Variants in CWC27 observed in about 807,000 individuals in gnomAD.
CWC27 encodes spliceosome-associated protein CWC27 homolog.
A neutral mutation model predicts 63.6 loss-of-function variants in CWC27; 47 were observed. That is an observed-to-expected ratio of 0.74 (90% confidence interval 0.58 to 0.94). CWC27 has a LOEUF of 0.94. CWC27 is among the 40% of genes least tolerant of loss of function. The probability of loss-of-function intolerance (pLI) is 0.00; values close to 1 mark genes in which losing one functional copy is unlikely to be tolerated. For missense variants in CWC27, 495 were observed against 554.3 expected, an observed-to-expected ratio of 0.89 and a Z score of 1.07; for synonymous variants, 175 against 179.8, an observed-to-expected ratio of 0.97 and a Z score of 0.22.
chr5:64,971,779 ACAGT>A lies in CWC27; in HGVS notation c.1122_1125del (p.Ser375ArgfsTer14), dbSNP rs753126611. ...AAAAGTATGAAGCTTTGAGGAAGCA[ACAGT>A]CAAAGAAGGGAACTTCCCGGGAAGA... On this transcript the variant is annotated frameshift_variant, in exon 12 of 14. Transcript: ENST00000381070. LOFTEE classifies it high-confidence loss of function. The A allele has an allele frequency of 4.3e-6, 7 of 1,611,772 alleles. No individual in the cohort carries two copies. The highest frequency in any genetic ancestry group is 2.7e-5 in the African/African-American group (2 of 74,836).
chr5:64,962,607 T>C (rs1241064491), intron 11 of CWC27, among the ~76,000 whole-genome samples: 3 of 152,290 alleles, frequency 2.0e-5, no homozygotes, highest in East Asian at 1.9e-4. Flanking sequence ...AAGCCAAAAC[T>C]CTAAACCTCT....
intron 11 of CWC27, among the ~76,000 whole-genome samples, chr5:64,920,385 T>C (rs962380328): frequency 6.6e-6 from 1 of 152,234 alleles, no homozygotes; most frequent in African/African-American, 2.4e-5. Context: ...AGTATTTTGT[T>C]GAGGATTTTT....
chr5:64,855,247 A>G (rs1746222675), intron 10 of CWC27, among the ~76,000 whole-genome samples: 1 of 152,192 alleles, frequency 6.6e-6, no homozygotes, highest in South Asian at 2.1e-4. Context: ...GGAAGTTTTC[A>G]TCTCCAAGTA....
At chr5:64,844,438 A>T (rs1468255369) in intron 10 of CWC27, among the ~76,000 whole-genome samples, 3 of 152,174 alleles carry the variant, frequency 2.0e-5, no homozygotes, top group African/African-American at 7.2e-5. Flanking sequence ...TCCTAGCTTG[A>T]GTCCTTAGGC....
intron 11 of CWC27, among the ~76,000 whole-genome samples, chr5:64,909,168 T>A (rs1360340208): frequency 6.6e-6 from 1 of 152,194 alleles, no homozygotes; most frequent in Non-Finnish European, 1.5e-5. Flanking sequence ...GATATGAAAT[T>A]CTGTTTTGAA....
intron 11 of CWC27, among the ~76,000 whole-genome samples, chr5:64,932,914 TTAA>T (rs1748268701): frequency 2.0e-5 from 3 of 152,218 alleles, no homozygotes; most frequent in African/African-American, 7.2e-5. Flanking sequence ...ACACTGCTAC[TTAA>T]GTGATCTTCT....
intron 11 of CWC27, among the ~76,000 whole-genome samples, chr5:64,915,394 G>A (rs1248506783): frequency 6.6e-6 from 1 of 152,122 alleles, no homozygotes; most frequent in Non-Finnish European, 1.5e-5. Context: ...TAACAAATGG[G>A]ACATGCAACA....
chr5:64,868,539 C>G (rs540149799), intron 10 of CWC27, among the ~76,000 whole-genome samples: 5 of 152,154 alleles, frequency 3.3e-5, no homozygotes, highest in African/African-American at 9.6e-5. Context: ...CATTCTGTTT[C>G]TCAAGGTGTA....
At chr5:64,913,246 G>A (rs1747826229) in intron 11 of CWC27, among the ~76,000 whole-genome samples, 1 of 152,068 alleles carries the variant, frequency 6.6e-6, no homozygotes, top group African/African-American at 2.4e-5. Flanking sequence ...AAATAGGACA[G>A]TAGTATGCCC....
At chr5:64,890,731 T>C (rs1747213182) in intron 11 of CWC27, among the ~76,000 whole-genome samples, 2 of 152,200 alleles carry the variant, frequency 1.3e-5, no homozygotes, top group Non-Finnish European at 2.9e-5. Context: ...TAGCCACTAA[T>C]AAATTGATTA....
chr5:64,980,745 C>A (rs977582783), intron 13 of CWC27, among the ~76,000 whole-genome samples: 9 of 152,096 alleles, frequency 5.9e-5, no homozygotes, highest in Non-Finnish European at 1.0e-4. Flanking sequence ...AAAATACCAA[C>A]AATTGCATGG....
At chr5:64,786,070 C>T (rs1743872329) in intron 5 of CWC27, among the ~76,000 whole-genome samples, 1 of 147,818 alleles carries the variant, frequency 6.8e-6, no homozygotes, top group Non-Finnish European at 1.5e-5. Context: ...GAGGCTGAGG[C>T]AGGATAATCA....
intron 13 of CWC27, among the ~76,000 whole-genome samples, chr5:64,980,067 T>G (rs909533210): frequency 1.3e-5 from 2 of 151,920 alleles, no homozygotes; most frequent in African/African-American, 4.8e-5. Context: ...CAGATTTCAC[T>G]AACAAGGCAT....
At chr5:64,946,463 T>C (rs1748594319) in intron 11 of CWC27, among the ~76,000 whole-genome samples, 1 of 152,206 alleles carries the variant, frequency 6.6e-6, no homozygotes. Flanking sequence ...ACATCACTTA[T>C]CATTGCATTG....
At chr5:64,837,452 A>T (rs932846799) in intron 10 of CWC27, among the ~76,000 whole-genome samples, 3 of 151,960 alleles carry the variant, frequency 2.0e-5, no homozygotes, top group Non-Finnish European at 4.4e-5. Context: ...TACTTTGGCT[A>T]CTAAAGTGTC....
intron 11 of CWC27, among the ~76,000 whole-genome samples, chr5:64,941,085 A>G (rs1748470257): frequency 6.6e-6 from 1 of 151,832 alleles, no homozygotes; most frequent in East Asian, 1.9e-4. Flanking sequence ...ACCTCAAGTG[A>G]TCTGGCCCAT....
intron 7 of CWC27, 113 bp downstream of exon 7, chr5:64,789,133 C>T: frequency 3.5e-6 from 2 of 563,542 alleles, no homozygotes; most frequent in Admixed American, 3.3e-5. Context: ...ATGGGGCAGG[C>T]TCAGTAAGTG....
Position 64,880,393 on chromosome 5 carries a change from T to G in CWC27, c.939-5050T>G, listed in dbSNP as rs141565241. On this transcript the variant is annotated intron_variant, in intron 10 of 13. Coordinates refer to ENST00000381070, the MANE Select transcript of CWC27 (RefSeq NM_005869.4). ...GACTTCTAAAAAGGTGTTTATTTTATCTTCATAAACGTCAGCCTTTTTACC... is the reference window on the plus strand; with the variant it reads ...GACTTCTAAAAAGGTGTTTATTTTAGCTTCATAAACGTCAGCCTTTTTACC... Among the ~76,000 whole-genome samples, 628 of 152,056 alleles carry G rather than the reference T, an allele frequency of 4.1e-3. 2 individuals are homozygous for G. Among genetic ancestry groups the G allele is most frequent in the African/African-American group, 0.014 (600 of 41,536 alleles).
chr5:64,938,259 T>C (rs1203225503), intron 11 of CWC27, among the ~76,000 whole-genome samples: 1 of 152,216 alleles, frequency 6.6e-6, no homozygotes, highest in Non-Finnish European at 1.5e-5. Flanking sequence ...TTCCTTTCCA[T>C]GTTTAGTGCT....
Sources: allele counts gnomAD v4.1 joint callset (sites outside exome capture counted in the v4.1 genomes callset), GRCh38; gene constraint gnomAD v4.1.1; transcripts MANE v1.5; gene names NCBI Gene and HGNC (gene_info 2026-07-23, HGNC 2026-07-21).